Variants in PDE4D observed in about 807,000 individuals in gnomAD.
PDE4D encodes phosphodiesterase 4D, also known as 3',5'-cyclic-AMP phosphodiesterase 4D.
PDE4D carries 24 observed loss-of-function variants against 87.4 expected under a neutral mutation model. That is an observed-to-expected ratio of 0.27 (90% CI 0.20 to 0.39). PDE4D has a LOEUF of 0.39. PDE4D is among the 10% of genes least tolerant of loss of function. PDE4D has a pLI of 1.00. For synonymous variants in PDE4D, 384 were observed against 383.2 expected, an observed-to-expected ratio of 1.00 and a Z score of -0.02; for missense variants, 714 against 1,041.0, an observed-to-expected ratio of 0.69 and a Z score of 4.32.
intron 2 of PDE4D, among the ~76,000 whole-genome samples, chr5:60,175,481 T>C (rs1783830073): frequency 6.6e-6 from 1 of 152,268 alleles, no homozygotes; most frequent in East Asian, 1.9e-4. Flanking sequence ...GGTCATAATA[T>C]TTTGCTGAAA....
chr5:59,482,408 C>T (rs1215655466), intron 1 of PDE4D, among the ~76,000 whole-genome samples: 1 of 152,058 alleles, frequency 6.6e-6, no homozygotes, highest in Non-Finnish European at 1.5e-5. Context: ...TAAATACTGC[C>T]TTTAAAATGA....
chr5:59,851,234 A>G (rs1038701636), intron 1 of PDE4D, among the ~76,000 whole-genome samples: 1 of 152,164 alleles, frequency 6.6e-6, no homozygotes, highest in East Asian at 1.9e-4. Context: ...CTCCAGCCCC[A>G]GTCAAGCCTT....
intron 1 of PDE4D, among the ~76,000 whole-genome samples, chr5:60,270,331 G>A (rs187226033): frequency 1.3e-3 from 193 of 152,222 alleles, no homozygotes; most frequent in African/African-American, 3.8e-3. Flanking sequence ...GGAACCCGTT[G>A]GTGTAACATC....
chr5:60,006,433 A>T (rs1443768638), intron 2 of PDE4D, among the ~76,000 whole-genome samples: 1 of 151,832 alleles, frequency 6.6e-6, no homozygotes, highest in Non-Finnish European at 1.5e-5. Context: ...TGCAAAAAGG[A>T]GGTATCCCTG....
At chr5:60,049,249 T>C (rs1468339586) in intron 2 of PDE4D, among the ~76,000 whole-genome samples, 2 of 152,236 alleles carry the variant, frequency 1.3e-5, no homozygotes, top group African/African-American at 4.8e-5. Context: ...GTATTGGTTA[T>C]TCTAGTTATA....
chr5:59,936,909 A>C (rs1231780590), intron 3 of PDE4D, among the ~76,000 whole-genome samples: 1 of 152,216 alleles, frequency 6.6e-6, no homozygotes, highest in Non-Finnish European at 1.5e-5. Flanking sequence ...GTTGAGGAGA[A>C]ACTGCTATTA....
intron 5 of PDE4D, among the ~76,000 whole-genome samples, chr5:59,156,320 A>ATATATATATAT (rs1554082852): frequency 0.052 from 4,198 of 80,526 alleles, 158 homozygotes; most frequent in East Asian, 0.12. Flanking sequence ...AAAAAAAAAA[A>ATATATATATAT]ATATATATAT....
At chr5:59,929,687 T>C (rs762638767) in intron 3 of PDE4D, among the ~76,000 whole-genome samples, 2 of 152,224 alleles carry the variant, frequency 1.3e-5, no homozygotes, top group Non-Finnish European at 2.9e-5. Context: ...ATACTTCTTA[T>C]ACATACTTAT....
chr5:59,903,610 G>T (rs956656071), intron 3 of PDE4D, among the ~76,000 whole-genome samples: 1 of 152,072 alleles, frequency 6.6e-6, no homozygotes, highest in African/African-American at 2.4e-5. Context: ...ACTACTTATT[G>T]GGTTTACTAT....
At chr5:60,356,427 A>C (rs986797660) in intron 1 of PDE4D, among the ~76,000 whole-genome samples, 11 of 152,144 alleles carry the variant, frequency 7.2e-5, no homozygotes, top group African/African-American at 2.2e-4. Context: ...TGCAGTTGTT[A>C]TTTTTATATA....
At chr5:60,403,941 C>T (rs1437117429) in intron 1 of PDE4D, among the ~76,000 whole-genome samples, 1 of 152,166 alleles carries the variant, frequency 6.6e-6, no homozygotes, top group Non-Finnish European at 1.5e-5. Flanking sequence ...GTTTGGAACT[C>T]AATGACTCTT....
At chr5:60,444,910 C>T (rs1745522055) in intron 1 of PDE4D, among the ~76,000 whole-genome samples, 1 of 100,712 alleles carries the variant, frequency 9.9e-6, no homozygotes, top group Admixed American at 9.9e-5. Flanking sequence ...ATCCTCTACT[C>T]AGAAAAAAAA....
intron 1 of PDE4D, among the ~76,000 whole-genome samples, chr5:60,238,266 C>T (rs1018975095): frequency 4.5e-4 from 68 of 151,882 alleles, no homozygotes; most frequent in African/African-American, 1.6e-3. Context: ...TGCTGTAAGT[C>T]CATTGCACAA....
intron 5 of PDE4D, among the ~76,000 whole-genome samples, chr5:59,141,381 G>A (rs1018235421): frequency 6.6e-6 from 1 of 152,200 alleles, no homozygotes; most frequent in Non-Finnish European, 1.5e-5. Flanking sequence ...GCCAAGAGAA[G>A]TGAAATAGTT....
At chr5:59,581,518 G>A (rs1824149251) in intron 1 of PDE4D, among the ~76,000 whole-genome samples, 1 of 152,062 alleles carries the variant, frequency 6.6e-6, no homozygotes, top group Non-Finnish European at 1.5e-5. Flanking sequence ...CCTTTTGTAA[G>A]ATTTCTAAGA....
chr5:59,488,359 T>A (rs549243435), intron 1 of PDE4D, among the ~76,000 whole-genome samples: 1 of 152,084 alleles, frequency 6.6e-6, no homozygotes, highest in Non-Finnish European at 1.5e-5. Flanking sequence ...GAGAAAGAAA[T>A]AGAGGAGAGA....
intron 1 of PDE4D, chr5:59,586,484 A>T: frequency 7.3e-7 from 1 of 1,361,658 alleles, no homozygotes; most frequent in Non-Finnish European, 9.5e-7. Context: ...GTGGGCAATT[A>T]TTGCAACAAG....
intron 3 of PDE4D, among the ~76,000 whole-genome samples, chr5:59,943,982 C>T (rs2152800153): frequency 1.3e-5 from 2 of 152,230 alleles, no homozygotes; most frequent in South Asian, 4.1e-4. Flanking sequence ...TCACTTGGAG[C>T]CAAACAATGC....
chr5:59,868,284 A>G (rs1423408222), intron 1 of PDE4D, among the ~76,000 whole-genome samples: 1 of 152,160 alleles, frequency 6.6e-6, no homozygotes, highest in East Asian at 1.9e-4. Context: ...TTCGGTAAAA[A>G]TAACTATTTT....
Sources: allele counts gnomAD v4.1 joint callset (sites outside exome capture counted in the v4.1 genomes callset), GRCh38; gene constraint gnomAD v4.1.1; transcripts MANE v1.5; gene names NCBI Gene and HGNC (gene_info 2026-07-23, HGNC 2026-07-21).